The following EYS variants were observed in gnomAD, a reference collection of about 807,000 sequenced individuals.
EYS encodes EGF-like photoreceptor maintenance factor.
In EYS, 250 loss-of-function variants were observed where a neutral mutation model predicts 282.1. The observed-to-expected ratio is 0.89, with a 90% CI of 0.80 to 0.98. EYS has a LOEUF of 0.98. Among genes scored for constraint, EYS ranks in the 50% least tolerant of loss-of-function variants. The probability of loss-of-function intolerance (pLI) is 0.00; values close to 1 mark genes in which losing one functional copy is unlikely to be tolerated. For missense variants in EYS, 4,016 were observed against 3,709.0 expected, an observed-to-expected ratio of 1.08 and a Z score of -2.15; for synonymous variants, 1,355 against 1,282.9, an observed-to-expected ratio of 1.06 and a Z score of -1.20.
intron 31 of EYS, among the ~76,000 whole-genome samples, chr6:64,211,231 C>T (rs1427851493): frequency 6.6e-6 from 1 of 152,078 alleles, no homozygotes; most frequent in African/African-American, 2.4e-5. Context: ...GACATTACTC[C>T]AAGATTCTAA....
intron 5 of EYS, among the ~76,000 whole-genome samples, chr6:65,462,300 T>A (rs1389938606): frequency 6.6e-6 from 1 of 152,044 alleles, no homozygotes; most frequent in East Asian, 1.9e-4. Context: ...TTGGTAGGGT[T>A]TGGAGTGAGG....
chr6:64,806,464 G>A (rs11963401), intron 22 of EYS, among the ~76,000 whole-genome samples: 3,799 of 151,740 alleles, frequency 0.025, 152 homozygotes, highest in African/African-American at 0.085. Flanking sequence ...ATAGGATATC[G>A]TGGTCCCTAA....
intron 12 of EYS, among the ~76,000 whole-genome samples, chr6:65,223,213 A>G (rs1387234232): frequency 1.3e-5 from 2 of 152,058 alleles, no homozygotes; most frequent in South Asian, 2.1e-4. Flanking sequence ...ACTAAACACA[A>G]AAAATTAGCT....
At chr6:65,704,558 C>A (rs117763801) in intron 1 of EYS, among the ~76,000 whole-genome samples, 1 of 152,278 alleles carries the variant, frequency 6.6e-6, no homozygotes, top group East Asian at 1.9e-4. Context: ...TGATGTGGTT[C>A]TATTTCTTGT....
intron 36 of EYS, among the ~76,000 whole-genome samples, chr6:63,862,779 A>G (rs1465723411): frequency 6.6e-6 from 1 of 152,122 alleles, no homozygotes; most frequent in Non-Finnish European, 1.5e-5. Flanking sequence ...TTCAGTCTAT[A>G]ATGTTTTCTC....
At chr6:64,287,454 C>A (rs1024912061) in intron 30 of EYS, among the ~76,000 whole-genome samples, 1 of 151,956 alleles carries the variant, frequency 6.6e-6, no homozygotes, top group Non-Finnish European at 1.5e-5. Context: ...GGATTGAATA[C>A]CACATATTCT....
chr6:65,202,331 A>G (rs895371555), intron 12 of EYS, among the ~76,000 whole-genome samples: 2 of 152,172 alleles, frequency 1.3e-5, no homozygotes, highest in African/African-American at 4.8e-5. Flanking sequence ...ATGGGTACAA[A>G]ATAACTTGGA....
chr6:64,183,528 T>C (rs1764847542), intron 31 of EYS, among the ~76,000 whole-genome samples: 1 of 152,200 alleles, frequency 6.6e-6, no homozygotes, highest in Admixed American at 6.5e-5. Context: ...TTCAATACTG[T>C]TCAATAAATA....
intron 1 of EYS, among the ~76,000 whole-genome samples, chr6:65,692,851 G>C (rs1769293519): frequency 6.7e-6 from 1 of 149,860 alleles, no homozygotes; most frequent in South Asian, 2.1e-4. Flanking sequence ...TATACTCTAG[G>C]CTAATTTTCA....
At chr6:64,351,632 C>CA (rs1235731479) in intron 29 of EYS, among the ~76,000 whole-genome samples, 1 of 151,244 alleles carries the variant, frequency 6.6e-6, no homozygotes, top group African/African-American at 2.4e-5. Flanking sequence ...TATACAAAGA[C>CA]AAAAAATTAA....
intron 16 of EYS, among the ~76,000 whole-genome samples, chr6:64,905,028 T>C (rs2150072948): frequency 6.6e-6 from 1 of 152,290 alleles, no homozygotes; most frequent in South Asian, 2.1e-4. Context: ...ATGCATACAG[T>C]CACGTGCTGC....
rs1246254962 is a variant in EYS, at chr6:63,721,685, A to G, written c.8346T>C (p.Thr2782=). 7 of 1,551,462 alleles carry G rather than the reference A, an allele frequency of 4.5e-6. No homozygotes were observed. The highest frequency in any genetic ancestry group is 1.7e-4 in the Middle Eastern group (1 of 5,990). The change falls in exon 43 of 43, where the codon ACT becomes ACC. Residue 2782 remains threonine, a synonymous_variant. Transcript: ENST00000503581. ...CTCTTCCTGCTTTTATTATATGCCA[A>G]GTACTTCCGTTTATAGTTACTTTTT... The part of the protein sequence containing the change: ...TLQKVTINGS[T]WHIIKAGRVG...
chr6:65,367,383 T>C (rs1562126450), intron 8 of EYS, among the ~76,000 whole-genome samples: 1 of 151,760 alleles, frequency 6.6e-6, no homozygotes, highest in Non-Finnish European at 1.5e-5. Flanking sequence ...TTCTTAACCA[T>C]AGCAGGCGAA....
chr6:64,519,259 TG>T (rs1777657525), intron 26 of EYS, among the ~76,000 whole-genome samples: 1 of 151,482 alleles, frequency 6.6e-6, no homozygotes, highest in Non-Finnish European at 1.5e-5. Flanking sequence ...GGATTATGAG[TG>T]GCCAACATCC....
chr6:64,590,643 T>G lies in EYS; in HGVS notation c.5224A>C (p.Ser1742Arg). The G allele has an allele frequency of 6.4e-7, 1 of 1,551,346 alleles. No homozygotes were observed. Among genetic ancestry groups the G allele is most frequent in the Non-Finnish European group, 8.7e-7 (1 of 1,146,748 alleles). ...AAGTTTAACTCAAAATCCAGAGAACTATCACTTGGGTGAAGTTTGAACAGT... is the reference window on the plus strand; with the variant it reads ...AAGTTTAACTCAAAATCCAGAGAACGATCACTTGGGTGAAGTTTGAACAGT... ...HTLFKLHPSD[S>R]SLDFELNLQI... Residue 1742 changes from serine (S) to arginine (R), a missense_variant, in exon 26 of 43, where the codon AGT becomes CGT. Ser to Arg is a moderately radical substitution (Grantham distance 110, BLOSUM62 -1). Coordinates refer to ENST00000503581, the MANE Select transcript of EYS (RefSeq NM_001142800.2).
chr6:64,335,100 T>C (rs2150392914), intron 29 of EYS, among the ~76,000 whole-genome samples: 1 of 152,158 alleles, frequency 6.6e-6, no homozygotes, highest in East Asian at 1.9e-4. Context: ...AAGAAATAGC[T>C]AACTGTAGTG....
intron 1 of EYS, among the ~76,000 whole-genome samples, chr6:65,655,466 A>C (rs1767788220): frequency 6.6e-6 from 1 of 151,772 alleles, no homozygotes; most frequent in Non-Finnish European, 1.5e-5. Context: ...TTGATAGTGT[A>C]TCCCCTTGAA....
At chr6:65,027,539 C>A (rs1326016116) in intron 13 of EYS, among the ~76,000 whole-genome samples, 2 of 152,196 alleles carry the variant, frequency 1.3e-5, no homozygotes, top group Non-Finnish European at 2.9e-5. Flanking sequence ...TCTAAACATT[C>A]TCTTCAATGC....
intron 5 of EYS, among the ~76,000 whole-genome samples, chr6:65,483,034 T>C (rs928955634): frequency 4.6e-5 from 7 of 152,200 alleles, no homozygotes; most frequent in Non-Finnish European, 1.0e-4. Flanking sequence ...CTTATAGTTA[T>C]AAAATTTGAA....
Sources: gnomAD v4.1 joint callset for allele counts (sites outside exome capture counted in the v4.1 genomes callset) on GRCh38, gnomAD v4.1.1 for gene constraint, MANE v1.5 for transcripts, NCBI Gene and HGNC (gene_info 2026-07-23, HGNC 2026-07-21) for gene names.